The following GHSR variants were observed in gnomAD, a reference collection of about 807,000 sequenced individuals.
The protein encoded by GHSR is growth hormone secretagogue receptor.
In GHSR, 17 loss-of-function variants were observed where a neutral mutation model predicts 24.0. The observed-to-expected ratio is 0.71, with a 90% CI of 0.49 to 1.06. The LOEUF is 1.06. GHSR is among the 50% of genes least tolerant of loss of function. GHSR has a pLI of 0.00. For missense variants in GHSR, 504 were observed against 483.1 expected (o/e 1.04, Z -0.41); for synonymous variants, 238 against 208.1 (o/e 1.14, Z -1.24).
Position 172,448,297 on chromosome 3 carries a change from G to A in GHSR, c.117C>T (p.Pro39=), listed in dbSNP as rs776496820. The A allele has an allele frequency of 1.2e-6, 2 of 1,612,030 alleles. No individual in the cohort carries two copies. The highest frequency in any genetic ancestry group is 1.1e-5 in the South Asian group (1 of 91,060). The change falls in exon 1 of 2, where the codon CCC becomes CCT. Residue 39 remains proline (P), a synonymous_variant. Coordinates refer to ENST00000241256, the MANE Select transcript of GHSR (RefSeq NM_198407.2). The surrounding 1 kb of genome is among the most constrained non-coding windows in gnomAD (Gnocchi z 4.8). The part of the protein sequence containing the change: ...SLGDELLQLF[P]APLLAGVTAT... ...CTGTGACGCCCGCCAGCAGCGGCGC[G>A]GGGAAGAGCTGCAGCAGCTCGTCGC...
In GHSR at chr3:172,445,281, G is replaced by A; in HGVS notation, c.981C>T (p.Ser327=). The A allele has an allele frequency of 6.2e-7, 1 of 1,614,160 alleles. No homozygotes were observed. The highest frequency in any genetic ancestry group is 1.1e-5 in the South Asian group (1 of 91,080). The change falls in exon 2 of 2, where the codon TCC becomes TCT. Residue 327 remains serine, a synonymous_variant. Coordinates refer to ENST00000241256, the MANE Select transcript of GHSR (RefSeq NM_198407.2). ...AINPILYNIM[S]KKYRVAVFRL... Reference sequence around the variant, plus strand: ...TGAACACTGCCACCCGGTACTTCTTGGACATGATGTTGTACAGAATGGGGT... The same window carrying A: ...TGAACACTGCCACCCGGTACTTCTTAGACATGATGTTGTACAGAATGGGGT...
chr3:172,447,608 T>G lies in GHSR; in HGVS notation c.796+10A>C, dbSNP rs201316274. 2.7e-5 allele frequency: 44 copies of G among 1,613,310 alleles called. No individual in the cohort carries two copies. The highest frequency in any genetic ancestry group is 3.6e-5 in the Non-Finnish European group (42 of 1,179,472). On this transcript the variant is annotated intron_variant, in intron 1 of 1. Transcript: ENST00000241256. The stretch of plus-strand genomic sequence containing the variant: ...CGCGAGAGAAAGCCTGAGCGCGCGC[T>G]GAGACCCACCCAGCATTTTCACGGT...
intron 1 of GHSR, among the ~76,000 whole-genome samples, chr3:172,446,587 A>C (rs1737468006): frequency 6.6e-6 from 1 of 152,238 alleles, no homozygotes; most frequent in South Asian, 2.1e-4. Context: ...TGAAGTCTTG[A>C]CTATAATATC....
At position 172,448,323 on chromosome 3, in the gene GHSR, C is replaced by T. The variant is rs754471403; in HGVS notation, c.91G>A (p.Gly31Ser). 5 of 1,608,066 alleles carry T rather than the reference C, an allele frequency of 3.1e-6. No individual in the cohort carries two copies. Reference protein sequence around the residue: ...WDASPGNDSLGDELLQLFPAP... With the variant: ...WDASPGNDSLSDELLQLFPAP... ...GGGAAGAGCTGCAGCAGCTCGTCGC[C>T]CAGCGAGTCGTTGCCGGGGGAAGCA... The change falls in exon 1 of 2, where the codon GGC becomes AGC. Residue 31 changes from glycine (G) to serine (S), a missense_variant. Physicochemically the swap from Gly to Ser is moderately conservative, Grantham distance 56 (BLOSUM62 0). Coordinates refer to ENST00000241256, the MANE Select transcript of GHSR (RefSeq NM_198407.2). The surrounding 1 kb of genome is among the most constrained non-coding windows in gnomAD (Gnocchi z 4.8).
At position 172,448,018 on chromosome 3, in the gene GHSR, G is replaced by T; in HGVS notation, c.396C>A (p.Leu132=). The T allele has an allele frequency of 1.9e-6, 3 of 1,614,196 alleles. No individual in the cohort carries two copies. Among genetic ancestry groups the T allele is most frequent in the Non-Finnish European group, 1.7e-6 (2 of 1,180,032 alleles). Residue 132 remains leucine (L), a synonymous_variant, in exon 1 of 2, where the codon CTC becomes CTA. Coordinates refer to ENST00000241256, the MANE Select transcript of GHSR (RefSeq NM_198407.2). This position sits in a 1 kb window ranked among gnomAD's most constrained non-coding sequence, Gnocchi z 4.8. ...GCTCGACGCTCAGCGCTGTGATGGT[G>T]AGCACCGTGGCGTAGGTGCAGCTCT... ...VSESCTYATV[L]TITALSVERY... is the part of the protein sequence containing the mutation.
At position 172,447,930 on chromosome 3, in the gene GHSR, G is replaced by A. The variant is rs747940186; in HGVS notation, c.484C>T (p.Leu162=). ...KVVVTKGRVK[L]VIFVIWAVAF... The stretch of plus-strand genomic sequence containing the variant: ...ACGGCCCAGATGACGAAGATGACCA[G>A]CTTCACCCGCCCCTTGGTGACCACC... Residue 162 remains leucine, a synonymous_variant, in exon 1 of 2, where the codon CTG becomes TTG. Coordinates refer to ENST00000241256, the MANE Select transcript of GHSR (RefSeq NM_198407.2). 5 of 1,612,814 alleles carry A rather than the reference G, an allele frequency of 3.1e-6. No homozygotes were observed. Among genetic ancestry groups the A allele is most frequent in the East Asian group, 4.5e-5 (2 of 44,856 alleles).
In GHSR at chr3:172,447,992, C is replaced by A. The variant is rs199698243; in HGVS notation, c.422G>T (p.Arg141Leu). ...GAGTGGGAAGCAGATGGCGAAGTAG[C>A]GCTCGACGCTCAGCGCTGTGATGGT... ...VLTITALSVE[R>L]YFAICFPLRA... is the part of the protein sequence containing the mutation. The change falls in exon 1 of 2, where the codon CGC becomes CTC. Residue 141 changes from arginine to leucine, a missense_variant. By Grantham distance (102) the Arg-to-Leu change is moderately radical. Transcript: ENST00000241256. 1.2e-6 allele frequency: 2 copies of A among 1,614,186 alleles called. No homozygotes were observed. Among genetic ancestry groups the A allele is most frequent in the Middle Eastern group, 1.6e-4 (1 of 6,062 alleles).
At chr3:172,447,589 A>G (rs1370342927) in intron 1 of GHSR, 29 bp downstream of exon 1, 1 of 1,612,782 alleles carries the variant, frequency 6.2e-7, no homozygotes, top group South Asian at 1.1e-5. Context: ...GACCCGCGAG[A>G]GAAAGCCTGA....
At position 172,448,280 on chromosome 3, in the gene GHSR, C is replaced by T. The variant is rs1473654918; in HGVS notation, c.134G>A (p.Gly45Asp). ...GAGTGCCACGCAGGTGGCTGTGACG[C>T]CCGCCAGCAGCGGCGCGGGGAAGAG... ...LQLFPAPLLA[G>D]VTATCVALFV... The change falls in exon 1 of 2, where the codon GGC (glycine) becomes GAC (aspartate). Residue 45 changes from glycine (G) to aspartate (D), a missense_variant. Gly to Asp is a moderately conservative substitution (Grantham distance 94). Coordinates refer to ENST00000241256, the MANE Select transcript of GHSR (RefSeq NM_198407.2). The surrounding 1 kb of genome is among the most constrained non-coding windows in gnomAD (Gnocchi z 4.8). 1 of 1,612,906 alleles carries T rather than the reference C, an allele frequency of 6.2e-7. No individual in the cohort carries two copies. The highest frequency in any genetic ancestry group is 1.7e-5 in the Admixed American group (1 of 60,008).
intron 1 of GHSR, among the ~76,000 whole-genome samples, chr3:172,445,806 G>C (rs1006126218): frequency 2.0e-5 from 3 of 152,212 alleles, no homozygotes; most frequent in Admixed American, 6.5e-5. Flanking sequence ...AGGTAAAGTG[G>C]TTGTACTCAA....
In GHSR at chr3:172,447,431, A is replaced by G. The variant is rs8192668; in HGVS notation, c.796+187T>C. The G allele has an allele frequency of 3.6e-3, 4,651 of 1,297,060 alleles. 13 individuals carry two copies. Among genetic ancestry groups the G allele is most frequent in the Non-Finnish European group, 4.5e-3 (4,289 of 962,528 alleles). 80.3% of individuals were successfully genotyped at this position (1,297,060 alleles called of 1,614,324 possible). ...CAGAGAGAAAGATTGAGAGATCAAA[A>G]ACATCACTCAAGAAAGCAAGAGGAG... On this transcript the variant is annotated intron_variant, in intron 1 of 1. Transcript: ENST00000241256.
In GHSR at chr3:172,447,967, G is replaced by A. The variant is rs2232169; in HGVS notation, c.447C>T (p.Leu149=). 6.2e-7 allele frequency: 1 copy of A among 1,614,028 alleles called. No homozygotes were observed. The highest frequency in any genetic ancestry group is 1.1e-5 in the South Asian group (1 of 91,082). Reference sequence around the variant, plus strand: ...CCTTGGTGACCACCACCTTGGCCCGGAGTGGGAAGCAGATGGCGAAGTAGC... The same window carrying A: ...CCTTGGTGACCACCACCTTGGCCCGAAGTGGGAAGCAGATGGCGAAGTAGC... ...VERYFAICFP[L]RAKVVVTKGR... is the part of the protein sequence containing the mutation. Residue 149 remains leucine (L), a synonymous_variant, in exon 1 of 2, where the codon CTC becomes CTT. Transcript: ENST00000241256.
At chr3:172,446,168 C>T (rs80075301) in intron 1 of GHSR, among the ~76,000 whole-genome samples, 5,313 of 152,182 alleles carry the variant, frequency 0.035, 305 homozygotes, top group African/African-American at 0.12. Flanking sequence ...AAAATAATAA[C>T]AAATAATTTT....
At position 172,448,279 on chromosome 3, in the gene GHSR, G is replaced by T. The variant is rs1056682592; in HGVS notation, c.135C>A (p.Gly45=). 1.9e-6 allele frequency: 3 copies of T among 1,612,264 alleles called. No individual in the cohort carries two copies. Among genetic ancestry groups the T allele is most frequent in the African/African-American group, 1.3e-5 (1 of 74,958 alleles). ...LQLFPAPLLA[G]VTATCVALFV... ...AGAGTGCCACGCAGGTGGCTGTGACGCCCGCCAGCAGCGGCGCGGGGAAGA... is the reference window on the plus strand; with the variant it reads ...AGAGTGCCACGCAGGTGGCTGTGACTCCCGCCAGCAGCGGCGCGGGGAAGA... Residue 45 remains glycine, a synonymous_variant, in exon 1 of 2, where the codon GGC becomes GGA. Coordinates refer to ENST00000241256, the MANE Select transcript of GHSR (RefSeq NM_198407.2). This position sits in a 1 kb window ranked among gnomAD's most constrained non-coding sequence, Gnocchi z 4.8.
chr3:172,447,945 T>C lies in GHSR; in HGVS notation c.469A>G (p.Lys157Glu). 6.2e-7 allele frequency: 1 copy of C among 1,613,426 alleles called. No homozygotes were observed. Among genetic ancestry groups the C allele is most frequent in the South Asian group, 1.1e-5 (1 of 91,078 alleles). The change falls in exon 1 of 2, where the codon AAG becomes GAG. Residue 157 changes from lysine (K) to glutamate (E), a missense_variant. Physicochemically the swap from Lys to Glu is moderately conservative, Grantham distance 56. Coordinates refer to ENST00000241256, the MANE Select transcript of GHSR (RefSeq NM_198407.2). ...AAGATGACCAGCTTCACCCGCCCCTTGGTGACCACCACCTTGGCCCGGAGT... is the reference window on the plus strand; with the variant it reads ...AAGATGACCAGCTTCACCCGCCCCTCGGTGACCACCACCTTGGCCCGGAGT... ...FPLRAKVVVT[K>E]GRVKLVIFVI... is the part of the protein sequence containing the mutation.
chr3:172,444,264 C>T lies in GHSR; in HGVS notation c.*897G>A, dbSNP rs888646747. ...CTAAAATTCTGCTGTGTGAACATCA[C>T]TATAAAAACATTTTAGGGAAACAGT... On this transcript the variant is annotated 3_prime_UTR_variant, in exon 2 of 2. Coordinates refer to ENST00000241256, the MANE Select transcript of GHSR (RefSeq NM_198407.2). Among the ~76,000 whole-genome samples, 10 of 152,078 alleles carry T rather than the reference C, an allele frequency of 6.6e-5. No homozygotes were observed. Among genetic ancestry groups the T allele is most frequent in the African/African-American group, 2.4e-4 (10 of 41,410 alleles).
Position 172,445,286 on chromosome 3 carries a change from T to C in GHSR, c.976A>G (p.Met326Val). The C allele has an allele frequency of 6.2e-7, 1 of 1,614,098 alleles. No individual in the cohort carries two copies. Among genetic ancestry groups the C allele is most frequent in the Non-Finnish European group, 8.5e-7 (1 of 1,180,026 alleles). Residue 326 changes from methionine (M) to valine (V), a missense_variant, in exon 2 of 2, where the codon ATG becomes GTG. Physicochemically the swap from Met to Val is conservative, Grantham distance 21 (BLOSUM62 1). Transcript: ENST00000241256. ...AAINPILYNI[M>V]SKKYRVAVFR... is the part of the protein sequence containing the mutation. The stretch of plus-strand genomic sequence containing the variant: ...ACTGCCACCCGGTACTTCTTGGACA[T>C]GATGTTGTACAGAATGGGGTTGATG...
Position 172,448,096 on chromosome 3 carries a change from G to A in GHSR, c.318C>T (p.Tyr106=). 6.2e-7 allele frequency: 1 copy of A among 1,614,230 alleles called. No individual in the cohort carries two copies. ...GGAGGTCGCCGAAGTTCCAGGGCCG[G>A]TACTGCCAGAGGCGAACGAGGTCCA... The part of the protein sequence containing the change: ...MPLDLVRLWQ[Y]RPWNFGDLLC... The change falls in exon 1 of 2, where the codon TAC becomes TAT. Residue 106 remains tyrosine (Y), a synonymous_variant. Transcript: ENST00000241256. This position sits in a 1 kb window ranked among gnomAD's most constrained non-coding sequence, Gnocchi z 4.8.
chr3:172,448,199 C>G lies in GHSR; in HGVS notation c.215G>C (p.Arg72Pro). The change falls in exon 1 of 2, where the codon CGC becomes CCC. Residue 72 changes from arginine to proline, a missense_variant. By Grantham distance (103) the Arg-to-Pro change is moderately radical. Coordinates refer to ENST00000241256, the MANE Select transcript of GHSR (RefSeq NM_198407.2). The surrounding 1 kb of genome is among the most constrained non-coding windows in gnomAD (Gnocchi z 4.8). ...LLTMLVVSRF[R>P]ELRTTTNLYL... ...GAGGTTGGTGGTGGTGCGCAGCTCG[C>G]GGAAGCGCGACACCACCAGCATGGT... 1 of 1,614,138 alleles carries G rather than the reference C, an allele frequency of 6.2e-7. No homozygotes were observed. Among genetic ancestry groups the G allele is most frequent in the African/African-American group, 1.3e-5 (1 of 75,060 alleles).
Sources: gnomAD v4.1 joint callset for allele counts (sites outside exome capture counted in the v4.1 genomes callset) on GRCh38, gnomAD v4.1.1 for gene constraint, Gnocchi (gnomAD v3.1) non-coding constraint, MANE v1.5 for transcripts, NCBI Gene and HGNC (gene_info 2026-07-23, HGNC 2026-07-21) for gene names.